C4orf50: variants seen among roughly 807,000 people sequenced by gnomAD.
C4orf50 encodes chromosome 4 open reading frame 50.
C4orf50 carries 80 observed loss-of-function variants against 77.2 expected under a neutral mutation model. The ratio of observed to expected loss-of-function variants is 1.04; its 90% CI spans 0.87 to 1.25. The LOEUF (loss-of-function observed/expected upper bound fraction) is 1.25. Among genes scored for constraint, C4orf50 ranks in the 50% most tolerant of loss-of-function variants. The pLI, the probability that C4orf50 is intolerant of heterozygous loss-of-function variation, is 0.00. For missense variants in C4orf50, 1,257 were observed against 1,152.9 expected, an observed-to-expected ratio of 1.09 and a Z score of -1.31; for synonymous variants, 532 against 465.3, an observed-to-expected ratio of 1.14 and a Z score of -1.84.
chr4:5,902,409 G>A (rs1051983544), intron 7 of C4orf50: 1 of 152,170 alleles, frequency 6.6e-6, no homozygotes, highest in Admixed American at 6.5e-5. Context: ...TCAAGCTTAG[G>A]TTTTGAAATC....
intron 7 of C4orf50, among the ~76,000 whole-genome samples, chr4:5,948,960 C>CAAAAAA (rs765201490): frequency 4.6e-5 from 4 of 87,110 alleles, no homozygotes; most frequent in African/African-American, 1.4e-4. Context: ...GACTCCATCT[C>CAAAAAA]AAAAAAAAAA....
chr4:5,905,694 A>T lies in C4orf50; in HGVS notation c.*2475-7506T>A, dbSNP rs1177053736. Among the ~76,000 whole-genome samples, 1 of 152,228 alleles carries T rather than the reference A, an allele frequency of 6.6e-6. No individual in the cohort carries two copies. The highest frequency in any genetic ancestry group is 2.4e-5 in the African/African-American group (1 of 41,458). ...TTATTTGGGGTGCTTCAGACCCTTGACATGATATGGAAATTTTATGTTACT... is the reference window on the plus strand; with the variant it reads ...TTATTTGGGGTGCTTCAGACCCTTGTCATGATATGGAAATTTTATGTTACT... On this transcript the variant is annotated intron_variant, in intron 7 of 7. Coordinates refer to the C4orf50 transcript ENST00000324058. The surrounding 1 kb of genome is among the most constrained non-coding windows in gnomAD (Gnocchi z 5.4).
rs1171302634 is a variant in C4orf50 at position 5,960,959 on chromosome 4, C to T, written c.4276-1333G>A. ...GGTCAGGAGTTCGAGACCAGCCTGG[C>T]CAACATGGTAAAACCCTGTTTATAC... On this transcript the variant is annotated intron_variant, in intron 33 of 33. Transcript: ENST00000531445. Among the ~76,000 whole-genome samples the T allele has an allele frequency of 2.6e-5, 4 of 152,208 alleles. No individual in the cohort carries two copies. In the East Asian group the frequency reaches 7.7e-4, roughly 29 times the overall value.
chr4:5,934,792 G>C (rs1717936122), intron 7 of C4orf50, among the ~76,000 whole-genome samples: 1 of 152,202 alleles, frequency 6.6e-6, no homozygotes, highest in South Asian at 2.1e-4. Flanking sequence ...AATGCCAACA[G>C]CTATTATTGT....
chr4:5,946,548 T>A (rs1288842222), intron 7 of C4orf50, among the ~76,000 whole-genome samples: 1 of 152,232 alleles, frequency 6.6e-6, no homozygotes, highest in Non-Finnish European at 1.5e-5. Flanking sequence ...AAGCTGGACA[T>A]GCTCACAGGC....
intron 7 of C4orf50, among the ~76,000 whole-genome samples, chr4:5,911,369 C>T (rs1716799926): frequency 6.6e-6 from 1 of 152,222 alleles, no homozygotes; most frequent in South Asian, 2.1e-4. Flanking sequence ...TCATGGACAA[C>T]TCCAACTATT....
At chr4:5,907,381 T>G (rs574607444) in intron 7 of C4orf50, among the ~76,000 whole-genome samples, 26 of 152,154 alleles carry the variant, frequency 1.7e-4, no homozygotes, top group Non-Finnish European at 3.2e-4. Context: ...ATTATAGATA[T>G]CCAACATCTG....
chr4:5,985,576 AT>A (rs1392731939), intron 28 of C4orf50, among the ~76,000 whole-genome samples: 5 of 152,090 alleles, frequency 3.3e-5, no homozygotes, highest in Admixed American at 1.3e-4. Flanking sequence ...GAGAAAAAAA[AT>A]AAATAACAAA....
At chr4:5,985,938 C>T (rs1720830202) in intron 28 of C4orf50, among the ~76,000 whole-genome samples, 1 of 152,160 alleles carries the variant, frequency 6.6e-6, no homozygotes, top group Non-Finnish European at 1.5e-5. Flanking sequence ...TACTGCACTC[C>T]AGCCTGGGTG....
chr4:5,923,739 G>A (rs1473883240), intron 7 of C4orf50, among the ~76,000 whole-genome samples: 1 of 152,218 alleles, frequency 6.6e-6, no homozygotes, highest in Non-Finnish European at 1.5e-5. Flanking sequence ...ATTGAGAGTT[G>A]TCATGGTTAA....
chr4:5,988,298 G>C (rs200564685), intron 28 of C4orf50, 49 bp downstream of exon 6: 4 of 1,581,820 alleles, frequency 2.5e-6, no homozygotes, highest in Non-Finnish European at 3.4e-6. Flanking sequence ...GGTGGCCCCC[G>C]GAACAGAGTC....
At chr4:5,981,297 T>TA (rs1720569601) in intron 28 of C4orf50, among the ~76,000 whole-genome samples, 1 of 152,080 alleles carries the variant, frequency 6.6e-6, no homozygotes, top group Non-Finnish European at 1.5e-5. Flanking sequence ...CTTGCTGTTA[T>TA]AATTGGAACT....
chr4:6,001,210 G>A (rs947144375), intron 25 of C4orf50, among the ~76,000 whole-genome samples: 7 of 152,068 alleles, frequency 4.6e-5, no homozygotes, highest in South Asian at 2.1e-4. Context: ...GTGCAATGGC[G>A]CGATCTCAGC....
chr4:5,936,427 T>G (rs950052576), intron 7 of C4orf50, among the ~76,000 whole-genome samples: 24 of 151,566 alleles, frequency 1.6e-4, no homozygotes, highest in Non-Finnish European at 2.7e-4. Flanking sequence ...CCAGTCGTGG[T>G]GGCGGGCGCC....
chr4:5,968,735 G>A (rs1158917299), intron 31 of C4orf50, among the ~76,000 whole-genome samples: 1 of 152,156 alleles, frequency 6.6e-6, no homozygotes, highest in African/African-American at 2.4e-5. Flanking sequence ...TTGAATGAAT[G>A]CCCTTTATTG....
At chr4:5,973,784 G>A in exon 31 of C4orf50, 1 of 1,613,764 alleles carries the variant, frequency 6.2e-7, no homozygotes, top group Non-Finnish European at 8.5e-7. Context: ...TCCTGCAGCA[G>A]GTGGGTGATC....
At chr4:5,935,723 C>G (rs28503945) in intron 7 of C4orf50, among the ~76,000 whole-genome samples, 3 of 143,578 alleles carry the variant, frequency 2.1e-5, no homozygotes, top group African/African-American at 7.7e-5. Flanking sequence ...GAGGTGGAGG[C>G]TGCAGTGAGC....
At chr4:5,972,659 A>G (rs13435807) in intron 31 of C4orf50, among the ~76,000 whole-genome samples, 70,404 of 152,136 alleles carry the variant, frequency 0.46, 16,635 homozygotes, top group East Asian at 0.71. Context: ...AGCTGCAGAG[A>G]GAGACTCAGA....
intron 7 of C4orf50, among the ~76,000 whole-genome samples, chr4:5,929,094 C>T (rs1437231292): frequency 6.6e-6 from 1 of 152,240 alleles, no homozygotes; most frequent in Non-Finnish European, 1.5e-5. Flanking sequence ...GCCACTATTT[C>T]ATGGAGTGAA....
Sources: allele counts gnomAD v4.1 joint callset (sites outside exome capture counted in the v4.1 genomes callset), GRCh38; gene constraint gnomAD v4.1.1; non-coding constraint Gnocchi (gnomAD v3.1); transcripts MANE v1.5; gene names NCBI Gene and HGNC (gene_info 2026-07-23, HGNC 2026-07-21).